SLC2A14: variants seen among roughly 807,000 people sequenced by gnomAD.
The protein encoded by SLC2A14 is solute carrier family 2, facilitated glucose transporter member 14.
SLC2A14 carries 13 observed loss-of-function variants against 43.0 expected under a neutral mutation model. That is an observed-to-expected ratio of 0.30 (90% confidence interval 0.20 to 0.48). SLC2A14 has a LOEUF of 0.48. SLC2A14 is among the 20% of genes least tolerant of loss of function. SLC2A14 has a pLI of 0.99. For missense variants in SLC2A14, 428 were observed against 620.4 expected (o/e 0.69, Z 3.29); for synonymous variants, 190 against 233.8 (o/e 0.81, Z 1.71).
chr12:7,857,587 TCAAAA>T (rs1456822966), intron 2 of SLC2A14, among the ~76,000 whole-genome samples: 1 of 152,056 alleles, frequency 6.6e-6, no homozygotes, highest in African/African-American at 2.4e-5. Context: ...AAACTCCATC[TCAAAA>T]CAAAACAAAA....
intron 4 of SLC2A14, 23 bp from the exon 5 acceptor site, chr12:7,830,029 C>T (rs1365400910): frequency 6.2e-7 from 1 of 1,613,344 alleles, no homozygotes; most frequent in South Asian, 1.1e-5. Flanking sequence ...TCAAAGACAA[C>T]ATGGAATTAG....
At chr12:7,888,457 A>T (rs1277167885) in intron 1 of SLC2A14, among the ~76,000 whole-genome samples, 5 of 152,156 alleles carry the variant, frequency 3.3e-5, no homozygotes, top group African/African-American at 1.2e-4. Flanking sequence ...GAAAGATGCC[A>T]TTGAATTCTA....
chr12:7,843,664 A>G (rs903049216), intron 2 of SLC2A14, among the ~76,000 whole-genome samples: 14 of 141,980 alleles, frequency 9.9e-5, no homozygotes, highest in Non-Finnish European at 2.0e-4. Flanking sequence ...AAAAAAAGCC[A>G]CCAGATTTGT....
upstream of SLC2A14, among the ~76,000 whole-genome samples, chr12:7,874,945 TAA>T (rs1198463799): frequency 2.4e-4 from 5 of 21,118 alleles, no homozygotes; most frequent in Non-Finnish European, 4.8e-4. Context: ...AATTTATATA[TAA>T]ATATATTTAT....
At chr12:7,887,613 T>TAGATAGATAGA (rs1565592519) in intron 1 of SLC2A14, among the ~76,000 whole-genome samples, 1 of 86,424 alleles carries the variant, frequency 1.2e-5, no homozygotes. Flanking sequence ...AGATAGATAG[T>TAGATAGATAGA]TAGATAGATA....
Position 7,847,281 on chromosome 12 carries a change from T to C in SLC2A14, c.19-14467A>G, listed in dbSNP as rs189245089. On this transcript the variant is annotated intron_variant, in intron 2 of 10. Transcript: ENST00000431042. Reference sequence around the variant, plus strand: ...AAAGAAAAGAAAAGGAAAGAAAATATACATGTGGCTGATCTGAGTACAGTG... The same window carrying C: ...AAAGAAAAGAAAAGGAAAGAAAATACACATGTGGCTGATCTGAGTACAGTG... 9.7e-4 allele frequency among the ~76,000 whole-genome samples: 148 copies of C among 152,086 alleles called. 1 individual carries two copies. The highest frequency in any genetic ancestry group is 1.9e-3 in the Non-Finnish European group (126 of 67,938).
intron 4 of SLC2A14, among the ~76,000 whole-genome samples, chr12:7,830,533 A>C (rs773201104): frequency 6.6e-6 from 1 of 151,866 alleles, no homozygotes; most frequent in South Asian, 2.1e-4. Context: ...CTACTCAGGG[A>C]GCTGAGGTGT....
rs762664038 is a variant in SLC2A14 at position 7,813,464 on chromosome 12, C to T, written c.*852G>A. 1 of 152,310 alleles carries T rather than the reference C, an allele frequency of 6.6e-6. No individual in the cohort carries two copies. The highest frequency in any genetic ancestry group is 1.9e-4 in the East Asian group (1 of 5,186). The allele number at this position is 152,310 out of a possible 1,614,324, so 9.4% of individuals were successfully genotyped here. A position where few individuals can be genotyped will look rare whatever the true frequency, so the allele number is the denominator to read the frequency against. The stretch of plus-strand genomic sequence containing the variant: ...ATCAACCGCCATTAACTACAATGCC[C>T]ATATTAGTTAATAATCCTAGATTTC... On this transcript the variant is annotated 3_prime_UTR_variant, in exon 11 of 11. Transcript: ENST00000431042.
chr12:7,884,466 G>T (rs1286267071), intron 1 of SLC2A14, among the ~76,000 whole-genome samples: 1 of 152,090 alleles, frequency 6.6e-6, no homozygotes, highest in Non-Finnish European at 1.5e-5. Flanking sequence ...CAAGGAGTTT[G>T]ATCTGTAACT....
At chr12:7,871,096 A>G (rs1945207551) in intron 1 of SLC2A14, 1 of 1,359,060 alleles carries the variant, frequency 7.4e-7, no homozygotes, top group African/African-American at 1.5e-5. Flanking sequence ...CCCAGGGCCC[A>G]TCAACTTCAC....
intron 2 of SLC2A14, chr12:7,860,506 C>G (rs1462583537): frequency 6.6e-6 from 1 of 152,074 alleles, no homozygotes; most frequent in Non-Finnish European, 1.5e-5. Flanking sequence ...GAGGATTACC[C>G]CAACCAGCCA....
At chr12:7,869,259 T>C (rs917661796) in intron 2 of SLC2A14, among the ~76,000 whole-genome samples, 1 of 152,120 alleles carries the variant, frequency 6.6e-6, no homozygotes, top group African/African-American at 2.4e-5. Context: ...TGCGGGTAAG[T>C]TCCCAGAAAA....
intron 2 of SLC2A14, among the ~76,000 whole-genome samples, chr12:7,846,127 A>G (rs1866448040): frequency 6.6e-6 from 1 of 152,012 alleles, no homozygotes; most frequent in Non-Finnish European, 1.5e-5. Flanking sequence ...AAAAAGAACT[A>G]GAAATGCAAA....
chr12:7,822,749 C>T (rs1864035246), intron 7 of SLC2A14, among the ~76,000 whole-genome samples: 1 of 152,042 alleles, frequency 6.6e-6, no homozygotes, highest in Non-Finnish European at 1.5e-5. Flanking sequence ...ACTATGTTGC[C>T]CAGGCTGGTC....
At chr12:7,874,826 A>T (rs1402450664), upstream of SLC2A14, among the ~76,000 whole-genome samples, 45 of 84,938 alleles carry the variant, frequency 5.3e-4, no homozygotes, top group South Asian at 6.9e-3. Context: ...TTATATATAA[A>T]TTATATATAA....
At chr12:7,877,129 A>G (rs1459538425), upstream of SLC2A14, among the ~76,000 whole-genome samples, 1 of 151,068 alleles carries the variant, frequency 6.6e-6, no homozygotes, top group Admixed American at 6.6e-5. Flanking sequence ...TCAGCCTCCC[A>G]AGAGCTGGGA....
chr12:7,869,893 C>G lies in SLC2A14; in HGVS notation c.-13G>C, dbSNP rs1259810040. On this transcript the variant is annotated 5_prime_UTR_variant, in exon 2 of 11. Transcript: ENST00000431042. ...GTCTGTTGTCCATCTCTCTGCTATC[C>G]TAGGAATTGACTCCCTCTCCAATTT... 1 of 1,529,532 alleles carries G rather than the reference C, an allele frequency of 6.5e-7. No individual in the cohort carries two copies. The highest frequency in any genetic ancestry group is 1.7e-4 in the Middle Eastern group (1 of 5,970). 94.7% of individuals were successfully genotyped at this position (1,529,532 alleles called of 1,614,324 possible).
Position 7,854,871 on chromosome 12 carries a change from C to T in SLC2A14, c.18+14992G>A, listed in dbSNP as rs779257156. On this transcript the variant is annotated intron_variant, in intron 2 of 10. Transcript: ENST00000431042. ...TGTCACCCAGTCTGGAGTGTAGTGG[C>T]GCGATCTCAGCTCAATGCAACCTCC... Among the ~76,000 whole-genome samples, 7 of 149,202 alleles carry T rather than the reference C, an allele frequency of 4.7e-5. No homozygotes were observed. The South Asian group carries it at 1.3e-3, about 28-fold the overall frequency.
At chr12:7,882,904 G>A (rs61925369) in intron 1 of SLC2A14, among the ~76,000 whole-genome samples, 1 of 150,730 alleles carries the variant, frequency 6.6e-6, no homozygotes, top group Non-Finnish European at 1.5e-5. Flanking sequence ...AAAAAAAAAG[G>A]ACTAAGACTC....
Sources: allele counts gnomAD v4.1 joint callset (sites outside exome capture counted in the v4.1 genomes callset), GRCh38; gene constraint gnomAD v4.1.1; transcripts MANE v1.5; gene names NCBI Gene and HGNC (gene_info 2026-07-23, HGNC 2026-07-21).